PDE11A: variants seen among roughly 807,000 people sequenced by gnomAD.
PDE11A encodes dual 3',5'-cyclic-AMP and -GMP phosphodiesterase 11A.
In PDE11A, 100 loss-of-function variants were observed where a neutral mutation model predicts 100.5. That is an observed-to-expected ratio of 1.00 (90% CI 0.85 to 1.18). PDE11A has a LOEUF of 1.18. Among genes scored for constraint, PDE11A ranks in the 50% most tolerant of loss-of-function variants. The pLI, the probability that PDE11A is intolerant of heterozygous loss-of-function variation, is 0.00. For missense variants in PDE11A, 1,141 were observed against 1,152.6 expected (o/e 0.99, Z 0.15); for synonymous variants, 381 against 420.8 (o/e 0.91, Z 1.16).
intron 1 of PDE11A, among the ~76,000 whole-genome samples, chr2:178,041,588 A>G (rs1394754804): frequency 1.3e-5 from 2 of 152,178 alleles, no homozygotes; most frequent in African/African-American, 4.8e-5. Flanking sequence ...AGGCATATTC[A>G]GTATTAACTT....
At chr2:177,897,782 A>T (rs1247014838) in intron 4 of PDE11A, among the ~76,000 whole-genome samples, 2 of 152,176 alleles carry the variant, frequency 1.3e-5, no homozygotes, top group African/African-American at 4.8e-5. Context: ...TGGGCAAATC[A>T]CTGAACCCCT....
At chr2:177,686,153 C>T (rs1043275577) in intron 15 of PDE11A, among the ~76,000 whole-genome samples, 6 of 152,110 alleles carry the variant, frequency 3.9e-5, no homozygotes, top group Non-Finnish European at 7.4e-5. Flanking sequence ...ATGGCTACTT[C>T]GTGATAAGTT....
intron 17 of PDE11A, among the ~76,000 whole-genome samples, chr2:177,674,103 C>T (rs910713569): frequency 6.6e-6 from 1 of 152,128 alleles, no homozygotes; most frequent in African/African-American, 2.4e-5. Flanking sequence ...TGTGAAGGAA[C>T]CCATAACACA....
chr2:177,822,907 T>C (rs541409169), intron 6 of PDE11A, among the ~76,000 whole-genome samples: 1 of 152,256 alleles, frequency 6.6e-6, no homozygotes, highest in South Asian at 2.1e-4. Flanking sequence ...TACAATCGAC[T>C]TTTTAATATT....
intron 2 of PDE11A, chr2:177,997,961 C>G: frequency 8.3e-7 from 1 of 1,210,562 alleles, no homozygotes; most frequent in Non-Finnish European, 1.2e-6. Context: ...GTCAAGATAC[C>G]AAGGTTAGGG....
chr2:177,970,666 T>C (rs1299223786), intron 2 of PDE11A, among the ~76,000 whole-genome samples: 1 of 151,936 alleles, frequency 6.6e-6, no homozygotes, highest in Non-Finnish European at 1.5e-5. Context: ...GTGACCTAGG[T>C]TTAGCATAAA....
chr2:177,980,063 A>G (rs1299856374), intron 2 of PDE11A, among the ~76,000 whole-genome samples: 2 of 148,186 alleles, frequency 1.3e-5, no homozygotes, highest in African/African-American at 4.9e-5. Context: ...CCTTCTTGAA[A>G]CTCCTCCCCT....
At chr2:178,062,126 A>G (rs2086979203) in intron 1 of PDE11A, among the ~76,000 whole-genome samples, 2 of 152,170 alleles carry the variant, frequency 1.3e-5, no homozygotes, top group Admixed American at 6.5e-5. Context: ...TTGGGGAGAG[A>G]TGCCTCAGCT....
At chr2:178,067,138 C>T (rs1410313998) in intron 1 of PDE11A, among the ~76,000 whole-genome samples, 2 of 152,138 alleles carry the variant, frequency 1.3e-5, no homozygotes, top group East Asian at 1.9e-4. Flanking sequence ...TCTCCTTCTG[C>T]CCATTCCCAC....
rs1012921213 is a variant in PDE11A at position 177,709,164 on chromosome 2, G to C, written c.2153+2605C>G. On this transcript the variant is annotated intron_variant, in intron 13 of 19. Transcript: ENST00000286063. ...AATGGGCAGGAGTCCGAATGAAAAGGGCCCGAAGGGGCTAAGCTAAGGAAC... is the reference window on the plus strand; with the variant it reads ...AATGGGCAGGAGTCCGAATGAAAAGCGCCCGAAGGGGCTAAGCTAAGGAAC... 5.9e-5 allele frequency among the ~76,000 whole-genome samples: 9 copies of C among 152,180 alleles called. No individual in the cohort carries two copies. In the South Asian group the frequency reaches 1.7e-3, roughly 28 times the overall value.
chr2:177,992,880 C>T (rs994002775), intron 2 of PDE11A, among the ~76,000 whole-genome samples: 1 of 152,140 alleles, frequency 6.6e-6, no homozygotes, highest in Non-Finnish European at 1.5e-5. Flanking sequence ...ATATACTTTA[C>T]TTCAATGATA....
At chr2:177,792,052 T>C (rs2082640301) in intron 9 of PDE11A, among the ~76,000 whole-genome samples, 1 of 152,214 alleles carries the variant, frequency 6.6e-6, no homozygotes, top group Admixed American at 6.5e-5. Flanking sequence ...TAAATATGGC[T>C]CTATACATAT....
intron 3 of PDE11A, among the ~76,000 whole-genome samples, chr2:177,901,247 AC>A (rs199895360): frequency 9.3e-5 from 14 of 150,590 alleles, no homozygotes; most frequent in Admixed American, 2.0e-4. Flanking sequence ...TGATCTTGTG[AC>A]CCCCCCCATC....
intron 6 of PDE11A, among the ~76,000 whole-genome samples, chr2:177,837,978 T>A (rs541397402): frequency 6.6e-6 from 1 of 152,232 alleles, no homozygotes; most frequent in Admixed American, 6.5e-5. Context: ...CTTGTTTTTC[T>A]GGAAAAAGGT....
chr2:177,846,837 T>A (rs2083609223), intron 5 of PDE11A, among the ~76,000 whole-genome samples: 1 of 152,162 alleles, frequency 6.6e-6, no homozygotes, highest in South Asian at 2.1e-4. Flanking sequence ...ATTGGGCATG[T>A]AATCTCAAAT....
chr2:177,862,407 T>C (rs768387254), intron 5 of PDE11A, among the ~76,000 whole-genome samples: 1 of 151,844 alleles, frequency 6.6e-6, no homozygotes, highest in Non-Finnish European at 1.5e-5. Flanking sequence ...GAAGTACAAT[T>C]ATCTCTATTT....
intron 2 of PDE11A, chr2:177,998,854 T>G: frequency 1.6e-6 from 1 of 608,156 alleles, no homozygotes; most frequent in Non-Finnish European, 3.0e-6. Context: ...CCAAGCCCAC[T>G]ACCTGCACTA....
Position 177,724,484 on chromosome 2 carries a change from C to T in PDE11A, c.2043+3174G>A, listed in dbSNP as rs1220177093. Among the ~76,000 whole-genome samples the T allele has an allele frequency of 4.6e-5, 7 of 152,102 alleles. No homozygotes were observed. The South Asian group carries it at 1.0e-3, about 22-fold the overall frequency. On this transcript the variant is annotated intron_variant, in intron 12 of 19. Coordinates refer to ENST00000286063, the MANE Select transcript of PDE11A (RefSeq NM_016953.4). ...AGCTGGGGCATATATTTATAATTTG[C>T]TTGTCCTGTTGTACGTGGTGCCAAA...
At chr2:177,979,815 T>A (rs1285211433) in intron 2 of PDE11A, among the ~76,000 whole-genome samples, 8 of 149,634 alleles carry the variant, frequency 5.3e-5, no homozygotes, top group African/African-American at 1.9e-4. Flanking sequence ...TTTCACCATG[T>A]TAGCCAGGAT....
Sources: gnomAD v4.1 joint callset for allele counts (sites outside exome capture counted in the v4.1 genomes callset) on GRCh38, gnomAD v4.1.1 for gene constraint, MANE v1.5 for transcripts, NCBI Gene and HGNC (gene_info 2026-07-23, HGNC 2026-07-21) for gene names.